The following PDXDC1 variants were observed in gnomAD, a reference collection of about 807,000 sequenced individuals.
PDXDC1 encodes the protein pyridoxal-dependent decarboxylase domain-containing protein 1.
PDXDC1 carries 42 observed loss-of-function variants against 100.1 expected under a neutral mutation model. That is an observed-to-expected ratio of 0.42 (90% CI 0.33 to 0.54). The LOEUF (loss-of-function observed/expected upper bound fraction) is 0.54. Among genes scored for constraint, PDXDC1 ranks in the 20% least tolerant of loss-of-function variants. The probability of loss-of-function intolerance (pLI) is 0.10; values close to 1 mark genes in which losing one functional copy is unlikely to be tolerated. For missense variants in PDXDC1, 636 were observed against 979.2 expected, an observed-to-expected ratio of 0.65 and a Z score of 4.68; for synonymous variants, 260 against 371.7, an observed-to-expected ratio of 0.70 and a Z score of 3.46.
At chr16:15,030,915 C>T (rs1286010210) in intron 16 of PDXDC1, among the ~76,000 whole-genome samples, 1 of 151,904 alleles carries the variant, frequency 6.6e-6, no homozygotes, top group Non-Finnish European at 1.5e-5. Context: ...CGCCCACCCC[C>T]AGAGATTCTA....
At chr16:15,135,132 A>G (rs1233996237) in intron 16 of PDXDC1, 19 of 689,122 alleles carry the variant, frequency 2.8e-5, no homozygotes, top group African/African-American at 5.2e-5. Context: ...GCAAAGCTGA[A>G]GCAGGCTGTC....
At chr16:15,066,292 C>A (rs1309322089) in intron 16 of PDXDC1, among the ~76,000 whole-genome samples, 2 of 152,154 alleles carry the variant, frequency 1.3e-5, no homozygotes, top group Non-Finnish European at 1.5e-5. Context: ...GGGTGTGTGA[C>A]AAGGAAGCAT....
At chr16:15,133,833 A>G (rs1206636335) in intron 16 of PDXDC1, 46 of 1,580,788 alleles carry the variant, frequency 2.9e-5, no homozygotes, top group Non-Finnish European at 3.8e-5. Context: ...GAGGGCGTGC[A>G]CAGCGCCCAG....
intron 7 of PDXDC1, among the ~76,000 whole-genome samples, chr16:15,009,059 T>C (rs1357001789): frequency 6.6e-6 from 1 of 152,256 alleles, no homozygotes; most frequent in Non-Finnish European, 1.5e-5. Context: ...TTTTAAGGAG[T>C]CTTGTAATTA....
chr16:15,060,153 A>G (rs2044660945), intron 16 of PDXDC1: 2 of 418,498 alleles, frequency 4.8e-6, no homozygotes, highest in South Asian at 3.6e-5. Flanking sequence ...ACTTATATGT[A>G]AATGTCTTTC....
chr16:14,990,102 C>T (rs1207849306), intron 1 of PDXDC1: 21 of 1,482,196 alleles, frequency 1.4e-5, no homozygotes, highest in African/African-American at 4.4e-5. Flanking sequence ...GAGGAGGCGG[C>T]GGGCCCAGCT....
chr16:15,024,991 G>A (rs1315951998), intron 13 of PDXDC1, among the ~76,000 whole-genome samples: 1 of 152,312 alleles, frequency 6.6e-6, no homozygotes, highest in Non-Finnish European at 1.5e-5. Flanking sequence ...CCCAGTGCCA[G>A]GCCCCAGACA....
intron 8 of PDXDC1, among the ~76,000 whole-genome samples, chr16:15,013,630 A>C (rs2041531458): frequency 6.6e-6 from 1 of 152,250 alleles, no homozygotes; most frequent in Non-Finnish European, 1.5e-5. Flanking sequence ...TAGTCCCAGC[A>C]CTTTGGGAGG....
At chr16:15,129,050 C>T (rs2047913817) in intron 16 of PDXDC1, among the ~76,000 whole-genome samples, 1 of 151,716 alleles carries the variant, frequency 6.6e-6, no homozygotes. Context: ...CGTGATTTGC[C>T]TGCCTCGGCC....
chr16:15,124,696 C>T (rs953821809), intron 16 of PDXDC1, among the ~76,000 whole-genome samples: 24 of 151,662 alleles, frequency 1.6e-4, no homozygotes, highest in African/African-American at 4.8e-4. Context: ...AGTTTGAACC[C>T]GGGAGGCAGA....
At chr16:15,031,133 TTTCC>T (rs1460960260) in intron 16 of PDXDC1, among the ~76,000 whole-genome samples, 12 of 144,008 alleles carry the variant, frequency 8.3e-5, no homozygotes, top group African/African-American at 3.1e-4. Context: ...TTTTTTTTTT[TTTCC>T]ATAGAGACGT....
intron 1 of PDXDC1, among the ~76,000 whole-genome samples, chr16:14,991,526 A>AT (rs1168644641): frequency 0.021 from 2,879 of 136,176 alleles, 11 homozygotes; most frequent in East Asian, 0.071. Flanking sequence ...TATTTTGTCT[A>AT]TTTTTTTTTT....
downstream of PDXDC1, chr16:15,040,046 C>T: frequency 6.2e-7 from 1 of 1,609,038 alleles, no homozygotes; most frequent in Non-Finnish European, 8.5e-7. Flanking sequence ...CTGTAAATCT[C>T]TGCAGTCTTA....
chr16:15,089,449 T>C (rs2046032086), intron 16 of PDXDC1, among the ~76,000 whole-genome samples: 1 of 152,030 alleles, frequency 6.6e-6, no homozygotes, highest in African/African-American at 2.4e-5. Context: ...GAGTCAAGTT[T>C]TGAAGCCCAA....
chr16:15,131,480 C>T lies in PDXDC1; in HGVS notation c.1400-7399C>T, dbSNP rs965142384. 3.1e-5 allele frequency: 50 copies of T among 1,607,754 alleles called. No homozygotes were observed. In the African/African-American group the frequency reaches 5.7e-4, roughly 18 times the overall value. ...TGGCAGCCAGGCCCTGGGGCGCCGCCATAGCACAGCAGGCTCCGCGGGTCC... is the reference window on the plus strand; with the variant it reads ...TGGCAGCCAGGCCCTGGGGCGCCGCTATAGCACAGCAGGCTCCGCGGGTCC... On this transcript the variant is annotated intron_variant, in intron 16 of 16. Coordinates refer to the PDXDC1 transcript ENST00000535621.
intron 1 of PDXDC1, among the ~76,000 whole-genome samples, chr16:14,995,155 TGGCCAGAACTTCCCACACCGTGTTG>T (rs1971686438): frequency 6.6e-6 from 1 of 152,290 alleles, no homozygotes; most frequent in Non-Finnish European, 1.5e-5. Context: ...CTCATTGCCC[TGGCCAGAACTTCCCACACCGTGTTG>T]AATAGGAGTG....
intron 16 of PDXDC1, among the ~76,000 whole-genome samples, chr16:15,110,160 A>AG (rs1555470478): frequency 1.7e-4 from 25 of 150,064 alleles, no homozygotes; most frequent in South Asian, 1.1e-3. Flanking sequence ...AAAAAAAAAA[A>AG]AGAGAGAGAG....
At chr16:14,995,595 A>C (rs1971788857) in intron 1 of PDXDC1, among the ~76,000 whole-genome samples, 1 of 152,278 alleles carries the variant, frequency 6.6e-6, no homozygotes, top group South Asian at 2.1e-4. Context: ...TATTGGTCTA[A>C]AATTCTCTTT....
downstream of PDXDC1, among the ~76,000 whole-genome samples, chr16:15,143,189 T>C (rs1013068971): frequency 2.6e-5 from 4 of 152,102 alleles, no homozygotes; most frequent in Non-Finnish European, 4.4e-5. Flanking sequence ...CATCCTAGCG[T>C]GGGACCCAGC....
Sources: gnomAD v4.1 joint callset for allele counts (sites outside exome capture counted in the v4.1 genomes callset) on GRCh38, gnomAD v4.1.1 for gene constraint, MANE v1.5 for transcripts, NCBI Gene and HGNC (gene_info 2026-07-23, HGNC 2026-07-21) for gene names.